Variants in NCALD observed in about 807,000 individuals in gnomAD.
The protein encoded by NCALD is neurocalcin-delta.
NCALD carries 10 observed loss-of-function variants against 18.6 expected under a neutral mutation model. The ratio of observed to expected loss-of-function variants is 0.54; its 90% confidence interval spans 0.33 to 0.91. NCALD has a LOEUF of 0.91. NCALD is among the 40% of genes least tolerant of loss of function. The probability of loss-of-function intolerance (pLI) is 0.03; values close to 1 mark genes in which losing one functional copy is unlikely to be tolerated. For missense variants in NCALD, 184 were observed against 247.6 expected (o/e 0.74, Z 1.72); for synonymous variants, 88 against 87.4 (o/e 1.01, Z -0.04).
intron 2 of NCALD, among the ~76,000 whole-genome samples, chr8:102,016,105 T>C (rs1343123537): frequency 6.6e-6 from 1 of 152,000 alleles, no homozygotes; most frequent in Non-Finnish European, 1.5e-5. Context: ...AAAAATCCAC[T>C]GATTCTTGGA....
At chr8:101,917,453 C>T (rs959137456) in intron 2 of NCALD, among the ~76,000 whole-genome samples, 5 of 151,834 alleles carry the variant, frequency 3.3e-5, no homozygotes, top group Non-Finnish European at 4.4e-5. Flanking sequence ...AAAGTAACCC[C>T]AAATCTAGCA....
chr8:101,790,396 T>C (rs1445049754), intron 1 of NCALD, among the ~76,000 whole-genome samples: 1 of 152,248 alleles, frequency 6.6e-6, no homozygotes, highest in African/African-American at 2.4e-5. Flanking sequence ...CCGTGGTTCC[T>C]ATTGTTGCTA....
At chr8:101,809,935 A>G (rs1451971903) in intron 4 of NCALD, among the ~76,000 whole-genome samples, 1 of 152,154 alleles carries the variant, frequency 6.6e-6, no homozygotes, top group Non-Finnish European at 1.5e-5. Context: ...TCTGACTTTT[A>G]TGAATCATCA....
intron 1 of NCALD, among the ~76,000 whole-genome samples, chr8:102,061,603 G>GA (rs1054832815): frequency 3.3e-5 from 5 of 152,128 alleles, no homozygotes; most frequent in South Asian, 2.1e-4. Context: ...TAAGAAATGT[G>GA]AAATTTTGCT....
intron 1 of NCALD, among the ~76,000 whole-genome samples, chr8:102,108,072 A>C (rs547611552): frequency 1.3e-5 from 2 of 152,238 alleles, no homozygotes; most frequent in Non-Finnish European, 2.9e-5. Context: ...AGAGGCCAGC[A>C]AGGTACAGGA....
chr8:101,693,050 C>G, intron 2 of NCALD, 154 bp from the exon 3 acceptor site: 1 of 556,582 alleles, frequency 1.8e-6, no homozygotes, highest in South Asian at 2.1e-5. Context: ...TGTGGAGGCA[C>G]AGGTAGAAGA....
chr8:101,964,272 C>T (rs1586835892), intron 2 of NCALD, among the ~76,000 whole-genome samples: 2 of 152,298 alleles, frequency 1.3e-5, no homozygotes, highest in Middle Eastern at 3.4e-3. Context: ...TTGCATATAT[C>T]TATTACAAAT....
intron 3 of NCALD, among the ~76,000 whole-genome samples, chr8:101,889,888 G>A (rs1816809958): frequency 6.6e-6 from 1 of 152,226 alleles, no homozygotes; most frequent in South Asian, 2.1e-4. Context: ...TAAAGATTTA[G>A]TTGTAAAAAG....
intron 1 of NCALD, among the ~76,000 whole-genome samples, chr8:101,731,770 C>G (rs961036105): frequency 2.6e-5 from 4 of 152,152 alleles, no homozygotes; most frequent in African/African-American, 9.7e-5. Context: ...CATCTAATGT[C>G]TAAGTCTGCC....
intron 4 of NCALD, among the ~76,000 whole-genome samples, chr8:101,830,644 T>C (rs7829693): frequency 3.3e-5 from 5 of 151,960 alleles, no homozygotes; most frequent in Non-Finnish European, 7.4e-5. Flanking sequence ...GAAGAGCATA[T>C]AGGAATAACA....
chr8:102,062,581 G>A (rs779450390), intron 1 of NCALD, among the ~76,000 whole-genome samples: 11 of 152,200 alleles, frequency 7.2e-5, no homozygotes, highest in Admixed American at 1.3e-4. Context: ...ACAATGCTGT[G>A]TGTCACACAA....
At chr8:101,838,642 A>G (rs184310453) in intron 4 of NCALD, among the ~76,000 whole-genome samples, 2 of 152,376 alleles carry the variant, frequency 1.3e-5, no homozygotes, top group East Asian at 3.9e-4. Context: ...TTGTGAGCCA[A>G]GTAAACCTGC....
At chr8:101,856,489 C>A (rs1281418954) in intron 4 of NCALD, among the ~76,000 whole-genome samples, 1 of 152,036 alleles carries the variant, frequency 6.6e-6, no homozygotes, top group Non-Finnish European at 1.5e-5. Flanking sequence ...CCACGCCCAG[C>A]CTGATCTTAC....
At chr8:102,074,139 G>A (rs1404122391) in intron 1 of NCALD, among the ~76,000 whole-genome samples, 1 of 152,188 alleles carries the variant, frequency 6.6e-6, no homozygotes, top group Non-Finnish European at 1.5e-5. Flanking sequence ...GTCCTCAGGT[G>A]TCTAGCACTG....
chr8:101,900,237 A>ATATC (rs1563876588), intron 3 of NCALD, among the ~76,000 whole-genome samples: 1 of 151,848 alleles, frequency 6.6e-6, no homozygotes, highest in Admixed American at 6.5e-5. Flanking sequence ...TTGGCAATAT[A>ATATC]TATCTTCTTT....
At chr8:101,757,381 G>T (rs16868354) in intron 1 of NCALD, among the ~76,000 whole-genome samples, 7,384 of 152,202 alleles carry the variant, frequency 0.049, 428 homozygotes, top group African/African-American at 0.12. Context: ...TCGCTCCATT[G>T]TCCTTATCTC....
At chr8:102,049,687 A>C (rs1823363786) in intron 1 of NCALD, among the ~76,000 whole-genome samples, 1 of 152,194 alleles carries the variant, frequency 6.6e-6, no homozygotes, top group Non-Finnish European at 1.5e-5. Context: ...GTTGTTCCAC[A>C]TCCTCACCAG....
At chr8:102,096,088 A>G (rs497966) in intron 1 of NCALD, among the ~76,000 whole-genome samples, 83,254 of 151,526 alleles carry the variant, frequency 0.55, 23,738 homozygotes, top group Non-Finnish European at 0.64. Context: ...TAAAGGGCAG[A>G]AAACTGATCC....
At chr8:101,891,638 G>A (rs969657377) in intron 3 of NCALD, among the ~76,000 whole-genome samples, 6 of 152,348 alleles carry the variant, frequency 3.9e-5, no homozygotes, top group Admixed American at 2.0e-4. Flanking sequence ...GACAGTGGGC[G>A]CAGGCCAGTG....
Sources: allele counts gnomAD v4.1 joint callset (sites outside exome capture counted in the v4.1 genomes callset), GRCh38; gene constraint gnomAD v4.1.1; transcripts MANE v1.5; gene names NCBI Gene and HGNC (gene_info 2026-07-23, HGNC 2026-07-21).